BMPR1B: variants seen among roughly 807,000 people sequenced by gnomAD.
BMPR1B encodes bone morphogenetic protein receptor type-1B.
A neutral mutation model predicts 59.1 loss-of-function variants in BMPR1B; 12 were observed. The observed-to-expected ratio is 0.20, with a 90% confidence interval of 0.13 to 0.33. BMPR1B has a LOEUF of 0.33. Among genes scored for constraint, BMPR1B ranks in the 10% least tolerant of loss-of-function variants. The pLI is 1.00. For missense variants in BMPR1B, 550 were observed against 610.9 expected (o/e 0.90, Z 1.05); for synonymous variants, 237 against 207.3 (o/e 1.14, Z -1.23).
chr4:94,807,158 G>GCA (rs1723636394), intron 1 of BMPR1B, among the ~76,000 whole-genome samples: 1 of 152,048 alleles, frequency 6.6e-6, no homozygotes, highest in Non-Finnish European at 1.5e-5. Flanking sequence ...GCAGTGGTGT[G>GCA]ATCTCTGCTC....
At chr4:94,862,944 CAAAAAAAAAAA>C (rs768809079) in intron 1 of BMPR1B, among the ~76,000 whole-genome samples, 3 of 47,232 alleles carry the variant, frequency 6.4e-5, no homozygotes, top group Non-Finnish European at 1.3e-4. Context: ...GACTCCGTCT[CAAAAAAAAAAA>C]AAAAAAAAAA....
At chr4:94,970,457 A>G (rs1021942496) in intron 2 of BMPR1B, among the ~76,000 whole-genome samples, 1 of 151,934 alleles carries the variant, frequency 6.6e-6, no homozygotes, top group Non-Finnish European at 1.5e-5. Flanking sequence ...CTGGGACTAC[A>G]GGCGCGCCAC....
chr4:95,041,607 T>A (rs919499069), intron 3 of BMPR1B, among the ~76,000 whole-genome samples: 1 of 108,020 alleles, frequency 9.3e-6, no homozygotes, highest in African/African-American at 4.1e-5. Flanking sequence ...ATCCACTGAA[T>A]GGACTTTTTT....
chr4:95,041,633 A>G (rs960212717), intron 3 of BMPR1B, among the ~76,000 whole-genome samples: 2 of 148,740 alleles, frequency 1.3e-5, no homozygotes, highest in African/African-American at 5.0e-5. Flanking sequence ...TTGGCCCCAG[A>G]TATTTCTTCT....
intron 2 of BMPR1B, among the ~76,000 whole-genome samples, chr4:94,983,394 A>G (rs922320849): frequency 3.9e-5 from 6 of 152,220 alleles, no homozygotes; most frequent in South Asian, 2.1e-4. Flanking sequence ...CAGTTGCTCA[A>G]TAAGTGTTTT....
chr4:94,863,542 C>A (rs1253743597), intron 1 of BMPR1B, among the ~76,000 whole-genome samples: 1 of 152,102 alleles, frequency 6.6e-6, no homozygotes, highest in Admixed American at 6.5e-5. Context: ...AAGAAAATAG[C>A]CCTCTGTATT....
intron 2 of BMPR1B, among the ~76,000 whole-genome samples, chr4:94,935,034 T>C (rs1031117644): frequency 1.3e-5 from 2 of 152,170 alleles, no homozygotes; most frequent in Non-Finnish European, 2.9e-5. Flanking sequence ...ACTTGAAACT[T>C]GAATGACATT....
At position 95,096,984 on chromosome 4, in the gene BMPR1B, TTAATA is replaced by T. The variant is rs1162877611; in HGVS notation, c.-17-7421_-17-7417del. Among the ~76,000 whole-genome samples the T allele has an allele frequency of 1.1e-4, 16 of 144,484 alleles. No homozygotes were observed. The South Asian group carries it at 3.4e-3, about 30-fold the overall frequency. The allele number at this position is 144,484 out of a possible 152,430, so 94.8% of individuals were successfully genotyped here. ...ACTTTATTATATATAGTTATATAGT[TTAATA>T]TATAGTATATGATATAAATTGTATA... On this transcript the variant is annotated intron_variant, in intron 3 of 12. Transcript: ENST00000515059.
chr4:95,118,317 C>A (rs79800751), intron 6 of BMPR1B, among the ~76,000 whole-genome samples: 1 of 145,200 alleles, frequency 6.9e-6, no homozygotes. Flanking sequence ...AGAGCTGCTG[C>A]TTTTTTTTTT....
intron 3 of BMPR1B, among the ~76,000 whole-genome samples, chr4:95,047,417 A>G (rs896207548): frequency 4.6e-5 from 7 of 152,170 alleles, no homozygotes; most frequent in African/African-American, 1.2e-4. Context: ...AATATTTCTG[A>G]AATGGAGTTG....
chr4:94,998,918 G>T (rs774945487), intron 3 of BMPR1B, among the ~76,000 whole-genome samples: 3 of 151,972 alleles, frequency 2.0e-5, no homozygotes, highest in Non-Finnish European at 4.4e-5. Context: ...TTATTTGCTG[G>T]CAGTATTCAA....
chr4:95,015,065 A>G lies in BMPR1B; in HGVS notation c.-18+18931A>G, dbSNP rs548315626. Among the ~76,000 whole-genome samples the G allele has an allele frequency of 3.3e-5, 5 of 152,302 alleles. No individual in the cohort carries two copies. The East Asian group carries it at 9.6e-4, about 29-fold the overall frequency. On this transcript the variant is annotated intron_variant, in intron 3 of 12. Coordinates refer to ENST00000515059, the MANE Select transcript of BMPR1B (RefSeq NM_001203.3). Reference sequence around the variant, plus strand: ...TTGTGAATTCAAAGCTATTTTCACAAGAACACTGACATGTTTTTTGCTCAG... The same window carrying G: ...TTGTGAATTCAAAGCTATTTTCACAGGAACACTGACATGTTTTTTGCTCAG...
chr4:95,035,801 T>A (rs1459169735), intron 3 of BMPR1B, among the ~76,000 whole-genome samples: 2 of 152,220 alleles, frequency 1.3e-5, no homozygotes, highest in Non-Finnish European at 2.9e-5. Flanking sequence ...GGATTGTTTT[T>A]TCTAGTTCTG....
In BMPR1B at chr4:95,068,401, A is replaced by C. The variant is rs576138388; in HGVS notation, c.-17-36007A>C. Among the ~76,000 whole-genome samples the C allele has an allele frequency of 1.9e-3, 283 of 152,158 alleles. 1 individual carries two copies. Among genetic ancestry groups the C allele is most frequent in the African/African-American group, 6.6e-3 (276 of 41,512 alleles). On this transcript the variant is annotated intron_variant, in intron 3 of 12. Coordinates refer to ENST00000515059, the MANE Select transcript of BMPR1B (RefSeq NM_001203.3). Reference sequence around the variant, plus strand: ...GTGTACCACGTCCAAATCCTCTTTGACCTACCCGTGACTGCTGTCAGGGCT... The same window carrying C: ...GTGTACCACGTCCAAATCCTCTTTGCCCTACCCGTGACTGCTGTCAGGGCT...
At chr4:94,809,571 T>G (rs1304951419) in intron 1 of BMPR1B, among the ~76,000 whole-genome samples, 1 of 152,224 alleles carries the variant, frequency 6.6e-6, no homozygotes, top group African/African-American at 2.4e-5. Flanking sequence ...GCTTTCTTCT[T>G]TAGTACTAAA....
At chr4:94,782,023 T>C (rs1488268422) in intron 1 of BMPR1B, among the ~76,000 whole-genome samples, 1 of 152,044 alleles carries the variant, frequency 6.6e-6, no homozygotes, top group African/African-American at 2.4e-5. Context: ...TGGATTATTG[T>C]TTTTAATTAA....
At chr4:95,055,656 A>G (rs910427384) in intron 3 of BMPR1B, among the ~76,000 whole-genome samples, 1 of 152,322 alleles carries the variant, frequency 6.6e-6, no homozygotes, top group African/African-American at 2.4e-5. Context: ...TGGCTAAACT[A>G]TAGTTTTCAA....
In BMPR1B at chr4:95,129,902, A is replaced by C. The variant is rs1176798119; in HGVS notation, c.626A>C (p.Gln209Pro). 4 of 1,613,856 alleles carry C rather than the reference A, an allele frequency of 2.5e-6. No homozygotes were observed. In the South Asian group the frequency reaches 4.4e-5, roughly 18 times the overall value. The part of the protein sequence containing the change: ...TIAKQIQMVK[Q>P]IGKGRYGEVW... ...GCTAAGCAGATTCAGATGGTGAAAC[A>C]GATTGGAAAAGGTCGCTATGGGGAA... Residue 209 changes from glutamine to proline, a missense_variant, in exon 9 of 13, where the codon CAG becomes CCG. By Grantham distance (76) the Gln-to-Pro change is moderately conservative. Around this residue, in one of 6 missense-constraint regions of BMPR1B, gnomAD observed 318 missense variants for 284.6 expected, o/e 1.12. Transcript: ENST00000515059.
intron 6 of BMPR1B, among the ~76,000 whole-genome samples, chr4:95,117,153 T>C (rs1371345218): frequency 6.6e-6 from 1 of 152,168 alleles, no homozygotes. Context: ...AGGAGTGTGC[T>C]AAGTGGATAA....
Sources: gnomAD v4.1 joint callset for allele counts (sites outside exome capture counted in the v4.1 genomes callset) on GRCh38, gnomAD v4.1.1 for gene constraint, gnomAD v4.1.1 regional missense constraint, MANE v1.5 for transcripts, NCBI Gene and HGNC (gene_info 2026-07-23, HGNC 2026-07-21) for gene names.